Variants in USP9X observed in about 807,000 individuals in gnomAD.
USP9X encodes ubiquitin specific peptidase 9 X-linked, also known as ubiquitin carboxyl-terminal hydrolase 9X.
USP9X carries 7 observed loss-of-function variants against 190.3 expected under a neutral mutation model. The observed-to-expected ratio is 0.04, with a 90% CI of 0.02 to 0.07. USP9X has a LOEUF of 0.07. USP9X is among the 10% of genes least tolerant of loss of function. The pLI, the probability that USP9X is intolerant of heterozygous loss-of-function variation, is 1.00. For synonymous variants in USP9X, 645 were observed against 659.5 expected, an observed-to-expected ratio of 0.98 and a Z score of 0.34; for missense variants, 1,010 against 1,916.9, an observed-to-expected ratio of 0.53 and a Z score of 8.83.
intron 3 of USP9X, among the ~76,000 whole-genome samples, chrX:41,129,372 T>G (rs1383862770): frequency 8.9e-6 from 1 of 112,124 alleles, no homozygotes; most frequent in African/African-American, 3.2e-5. Context: ...GTTTCCCTCT[T>G]GGAGAGTTTA....
intron 1 of USP9X, among the ~76,000 whole-genome samples, chrX:41,094,643 T>A (rs1278425455): frequency 9.0e-6 from 1 of 110,779 alleles, no homozygotes; most frequent in Non-Finnish European, 1.9e-5. Context: ...TAGTACGCCT[T>A]ATCCATAATA....
At chrX:41,197,331 T>TGCCCCCCCCCCCCCCCC in intron 28 of USP9X, 33 bp from the exon 29 acceptor site, 7 of 486,738 alleles carry the variant, frequency 1.4e-5, no homozygotes, top group African/African-American at 2.9e-5. Flanking sequence ...TTTGATTTCT[T>TGCCCCCCCCCCCCCCCC]CCCCCCCCCA....
At chrX:41,182,196 ACT>A (rs749414569) in intron 21 of USP9X, among the ~76,000 whole-genome samples, 14 of 111,135 alleles carry the variant, frequency 1.3e-4, no homozygotes, top group African/African-American at 4.6e-4. Flanking sequence ...ACATGGCATA[ACT>A]CTGTCTCTAC....
chrX:41,148,758 GA>G (rs1485038643), intron 12 of USP9X, among the ~76,000 whole-genome samples, 183 bp downstream of exon 12: 1 of 111,966 alleles, frequency 8.9e-6, no homozygotes, highest in Non-Finnish European at 1.9e-5. Flanking sequence ...TGACTCATCT[GA>G]AAAGCATTTT....
intron 34 of USP9X, 46 bp from the exon 35 acceptor site, chrX:41,215,853 G>A: frequency 9.2e-7 from 1 of 1,090,806 alleles, no homozygotes; most frequent in Non-Finnish European, 1.2e-6. Context: ...TTTTTTTCCT[G>A]TGGATTTTAA....
chrX:41,134,933 CTGTTA>C (rs1397316311), intron 5 of USP9X, 96 bp downstream of exon 5: 2 of 645,648 alleles, frequency 3.1e-6, no homozygotes, highest in Non-Finnish European at 4.5e-6. Flanking sequence ...TATATTTATT[CTGTTA>C]TAATTGAATT....
intron 29 of USP9X, among the ~76,000 whole-genome samples, chrX:41,198,288 A>C (rs1274261415): frequency 8.9e-6 from 1 of 112,265 alleles, no homozygotes; most frequent in Non-Finnish European, 1.9e-5. Context: ...TTTGATAAGT[A>C]CTATATTCAG....
rs1339656361 is a variant in USP9X, at chrX:41,217,207, A to G, written c.6086-13A>G. The G allele has an allele frequency of 8.4e-7, 1 of 1,188,980 alleles. No homozygotes were observed. The highest frequency in any genetic ancestry group is 1.1e-6 in the Non-Finnish European group (1 of 886,692). The stretch of plus-strand genomic sequence containing the variant: ...AATAAAAATGTGTTTTTATATCTGC[A>G]TTTTATTTATAGGGCAAGATCACCT... On this transcript the variant is annotated splice_polypyrimidine_tract_variant and intron_variant, in intron 35 of 44. Coordinates refer to ENST00000378308, the MANE Select transcript of USP9X (RefSeq NM_001039591.3).
rs1293985612 is a variant in USP9X at position 41,201,423 on chromosome X, T to G, written c.4824+143T>G. 22 of 559,962 alleles carry G rather than the reference T, an allele frequency of 3.9e-5. No homozygotes were observed. In the East Asian group the frequency reaches 8.6e-4, roughly 22 times the overall value. 46.1% of individuals were successfully genotyped at this position (559,962 alleles called of 1,213,427 possible). A position where few individuals can be genotyped will look rare whatever the true frequency, so the allele number is the denominator to read the frequency against. Reference sequence around the variant, plus strand: ...GGATGGGCCGAGCACACACCTGTGGTCTCAGCTACTCAGGAAACTGAGGCA... The same window carrying G: ...GGATGGGCCGAGCACACACCTGTGGGCTCAGCTACTCAGGAAACTGAGGCA... On this transcript the variant is annotated intron_variant, in intron 31 of 44. Coordinates refer to ENST00000378308, the MANE Select transcript of USP9X (RefSeq NM_001039591.3).
chrX:41,214,769 GT>G (rs1269809188), intron 34 of USP9X, 60 bp downstream of exon 34: 5 of 1,097,530 alleles, frequency 4.6e-6, no homozygotes, highest in Non-Finnish European at 6.1e-6. Context: ...GAAGAAATTG[GT>G]TTTTTTGGTT....
rs768895086 is a variant in USP9X at position 41,219,137 on chromosome X, A to G, written c.6471A>G (p.Leu2157=). The G allele has an allele frequency of 1.4e-5, 17 of 1,208,647 alleles. No individual in the cohort carries two copies. The highest frequency in any genetic ancestry group is 1.9e-5 in the Non-Finnish European group (17 of 894,458). The change falls in exon 38 of 45, where the codon CTA becomes CTG. Residue 2157 remains leucine, a synonymous_variant. Coordinates refer to ENST00000378308, the MANE Select transcript of USP9X (RefSeq NM_001039591.3). ...ACTTAAGCTTGAGTGATCACTTACT[A>G]AGAGCAGTACTAAATCTCTTGAGAA... ...YDNLSLSDHL[L]RAVLNLLRRE...
intron 41 of USP9X, among the ~76,000 whole-genome samples, chrX:41,227,098 G>A (rs1355563745): frequency 1.2e-4 from 13 of 112,293 alleles, no homozygotes; most frequent in Admixed American, 1.1e-3. Context: ...AATGAGATTA[G>A]TAAGATACTG....
In USP9X at chrX:41,220,943, CA is replaced by C. The variant is rs773698592; in HGVS notation, c.6565+1728del. ...TGGGCAACAGGGCAAGACTCCGTCT[CA>C]AAAAAAAAAAAAAAACTTGTTATAA... On this transcript the variant is annotated intron_variant, in intron 38 of 44. Transcript: ENST00000378308. 7.5e-3 allele frequency among the ~76,000 whole-genome samples: 411 copies of C among 54,724 alleles called. 1 individual carries two copies. Among genetic ancestry groups the C allele is most frequent in the Admixed American group, 0.019 (87 of 4,572 alleles). The allele number at this position is 54,724 out of a possible 115,157, so 47.5% of individuals were successfully genotyped here. A position where few individuals can be genotyped will look rare whatever the true frequency, so the allele number is the denominator to read the frequency against.
intron 41 of USP9X, among the ~76,000 whole-genome samples, chrX:41,226,431 AGTTT>A (rs1191481983): frequency 2.7e-5 from 3 of 112,177 alleles, no homozygotes; most frequent in South Asian, 3.6e-4. Flanking sequence ...ATAGTATAAT[AGTTT>A]GTTTGGGAAA....
intron 18 of USP9X, 154 bp downstream of exon 18, chrX:41,168,372 C>T: frequency 2.3e-6 from 1 of 430,911 alleles, no homozygotes; most frequent in Non-Finnish European, 3.7e-6. Context: ...TTTTAATAAC[C>T]TCCCCCACTC....
At chrX:41,108,280 C>T (rs1398621817) in intron 1 of USP9X, among the ~76,000 whole-genome samples, 3 of 111,677 alleles carry the variant, frequency 2.7e-5, no homozygotes, top group African/African-American at 9.8e-5. Context: ...TCTGTTAAAC[C>T]TCTCTCTGTG....
chrX:41,178,767 A>G (rs1372598450), intron 21 of USP9X, among the ~76,000 whole-genome samples: 3 of 111,854 alleles, frequency 2.7e-5, no homozygotes, highest in Admixed American at 1.9e-4. Flanking sequence ...TTGAAGTCTT[A>G]GCCAAAAAGT....
chrX:41,153,589 T>C (rs764186657), intron 14 of USP9X, among the ~76,000 whole-genome samples: 22 of 112,383 alleles, frequency 2.0e-4, no homozygotes, highest in Non-Finnish European at 3.8e-4. Flanking sequence ...TGAACATGTT[T>C]AGGATAAAGT....
intron 33 of USP9X, among the ~76,000 whole-genome samples, chrX:41,211,776 C>T (rs1219672762): frequency 1.9e-5 from 2 of 103,685 alleles, no homozygotes; most frequent in Non-Finnish European, 4.0e-5. Context: ...TCTGCCCGGC[C>T]GCCCCTACTG....
Sources: allele counts gnomAD v4.1 joint callset (sites outside exome capture counted in the v4.1 genomes callset), GRCh38; gene constraint gnomAD v4.1.1; transcripts MANE v1.5; gene names NCBI Gene and HGNC (gene_info 2026-07-23, HGNC 2026-07-21).